Variants in DYRK4 observed in about 807,000 individuals in gnomAD.
The protein encoded by DYRK4 is dual specificity tyrosine phosphorylation regulated kinase 4.
DYRK4 carries 64 observed loss-of-function variants against 68.3 expected under a neutral mutation model. The observed-to-expected ratio is 0.94, with a 90% CI of 0.77 to 1.15. The LOEUF (loss-of-function observed/expected upper bound fraction) is 1.15. Ranked by LOEUF, DYRK4 falls within the 50% of genes most tolerant of loss-of-function variation. The pLI is 0.00. For synonymous variants in DYRK4, 274 were observed against 289.9 expected (o/e 0.95, Z 0.56); for missense variants, 740 against 764.7 (o/e 0.97, Z 0.38).
intron 2 of DYRK4, among the ~76,000 whole-genome samples, chr12:4,577,831 T>C (rs1944804336): frequency 6.6e-6 from 1 of 152,216 alleles, no homozygotes; most frequent in Non-Finnish European, 1.5e-5. Context: ...TTTTCTCAGA[T>C]AGATCTCATA....
chr12:4,611,633 A>T (rs189452154), intron 13 of DYRK4, among the ~76,000 whole-genome samples: 1 of 152,354 alleles, frequency 6.6e-6, no homozygotes, highest in East Asian at 1.9e-4. Flanking sequence ...AATTCATTTG[A>T]CACAGAAATG....
intron 10 of DYRK4, chr12:4,602,856 A>C: frequency 8.9e-7 from 1 of 1,119,006 alleles, no homozygotes; most frequent in Non-Finnish European, 1.4e-6. Context: ...GAAATACATC[A>C]CTGTGACAGT....
intron 1 of DYRK4, among the ~76,000 whole-genome samples, chr12:4,565,616 T>C (rs76223878): frequency 0.027 from 4,052 of 149,336 alleles, 164 homozygotes; most frequent in African/African-American, 0.096. Flanking sequence ...GTTTGGAAGA[T>C]TTCACATTTA....
rs781027073 is a variant in DYRK4, at chr12:4,613,670, G to A, written c.1822G>A (p.Gly608Arg). Reference sequence around the variant, plus strand: ...TCCCAAGAAGTCAGAGGCAGCTGTCGGGGCGGAGGTGTCCATGACCTCCCC... The same window carrying A: ...TCCCAAGAAGTCAGAGGCAGCTGTCAGGGCGGAGGTGTCCATGACCTCCCC... ...DAPKKSEAAV[G>R]AEVSMTSPGQ... The change falls in exon 15 of 15, where the codon GGG becomes AGG. Residue 608 changes from glycine to arginine, a missense_variant. Gly to Arg is a moderately radical substitution (Grantham distance 125). Around this residue, in one of 3 missense-constraint regions of DYRK4, gnomAD observed 614 missense variants for 603.7 expected, o/e 1.02. Transcript: ENST00000543431. This position sits in a 1 kb window ranked among gnomAD's most constrained non-coding sequence, Gnocchi z 4.0. 2.7e-5 allele frequency: 44 copies of A among 1,612,950 alleles called. No homozygotes were observed. The Admixed American group carries it at 6.2e-4, about 23-fold the overall frequency.
At chr12:4,576,607 G>A (rs1192600735) in intron 2 of DYRK4, among the ~76,000 whole-genome samples, 3 of 152,174 alleles carry the variant, frequency 2.0e-5, no homozygotes, top group East Asian at 3.8e-4. Flanking sequence ...TTCCAAACAA[G>A]CTGTACCATT....
chr12:4,584,801 C>G (rs1165440590), intron 2 of DYRK4, among the ~76,000 whole-genome samples: 3 of 152,054 alleles, frequency 2.0e-5, no homozygotes, highest in African/African-American at 7.2e-5. Flanking sequence ...GTGATCCACC[C>G]ACCTCGGCCT....
chr12:4,590,197 A>G, intron 3 of DYRK4, 133 bp from the exon 4 acceptor site: 1 of 1,400,272 alleles, frequency 7.1e-7, no homozygotes. Flanking sequence ...GAACTTTAAG[A>G]ATAGGTTTAG....
At chr12:4,576,290 G>C (rs1944788942) in intron 2 of DYRK4, among the ~76,000 whole-genome samples, 1 of 152,190 alleles carries the variant, frequency 6.6e-6, no homozygotes, top group South Asian at 2.1e-4. Context: ...TGCCTTCTCA[G>C]ATGGCTTTTT....
At chr12:4,564,252 G>T (rs922791028) in intron 1 of DYRK4, 4 of 152,040 alleles carry the variant, frequency 2.6e-5, no homozygotes, top group African/African-American at 9.7e-5. Flanking sequence ...TTTCAAAATA[G>T]CTAGTAGAGA....
At chr12:4,578,147 G>A (rs1474416398) in intron 2 of DYRK4, among the ~76,000 whole-genome samples, 14 of 152,230 alleles carry the variant, frequency 9.2e-5, no homozygotes, top group African/African-American at 3.4e-4. Flanking sequence ...CCTTCTAAAA[G>A]TTTTATAATT....
chr12:4,575,541 C>A (rs560452099), intron 2 of DYRK4, among the ~76,000 whole-genome samples: 1 of 152,032 alleles, frequency 6.6e-6, no homozygotes. Context: ...GATCTCCTGA[C>A]CTCGTGATCC....
At chr12:4,563,501 G>A (rs1473686634) in intron 1 of DYRK4, among the ~76,000 whole-genome samples, 1 of 152,198 alleles carries the variant, frequency 6.6e-6, no homozygotes, top group Non-Finnish European at 1.5e-5. Flanking sequence ...AAATGCTGGT[G>A]GAGGCTGCAT....
At chr12:4,594,907 T>C (rs770509360) in intron 6 of DYRK4, among the ~76,000 whole-genome samples, 5 of 152,210 alleles carry the variant, frequency 3.3e-5, no homozygotes, top group Non-Finnish European at 7.3e-5. Flanking sequence ...TATGTATTGA[T>C]AATCTGTCAT....
At chr12:4,607,485 G>A in intron 12 of DYRK4, 98 bp downstream of exon 12, 10 of 1,338,398 alleles carry the variant, frequency 7.5e-6, no homozygotes, top group Non-Finnish European at 1.1e-5. Context: ...ACATACCAAA[G>A]GGCTGTGATT....
At chr12:4,611,724 A>ATG (rs1945223484) in intron 13 of DYRK4, among the ~76,000 whole-genome samples, 1 of 152,196 alleles carries the variant, frequency 6.6e-6, no homozygotes, top group Admixed American at 6.5e-5. Flanking sequence ...TATTCCCACC[A>ATG]TGATGGACAC....
chr12:4,604,893 T>G lies in DYRK4; in HGVS notation c.1127-21T>G, dbSNP rs7962687. The G allele has an allele frequency of 9.9e-3, 15,449 of 1,562,248 alleles. 1,237 individuals carry two copies. The African/African-American group carries it at 0.18, about 18-fold the overall frequency. ...GGTAAGAAGTTTGTCCCACGAGGTT[T>G]CTCTTACTTTGCCTCCGCAGTATAC... On this transcript the variant is annotated intron_variant, in intron 10 of 14. Coordinates refer to ENST00000543431, the MANE Select transcript of DYRK4 (RefSeq NM_001394779.1).
chr12:4,579,516 C>A (rs989667218), intron 2 of DYRK4, among the ~76,000 whole-genome samples: 13 of 152,186 alleles, frequency 8.5e-5, no homozygotes, highest in African/African-American at 3.1e-4. Context: ...GCTCTTTATT[C>A]ATATTTTCAT....
At chr12:4,582,540 C>A (rs76952500) in intron 2 of DYRK4, among the ~76,000 whole-genome samples, 2 of 151,996 alleles carry the variant, frequency 1.3e-5, no homozygotes, top group East Asian at 1.9e-4. Flanking sequence ...GTCTAACAAG[C>A]CTTTGCAGGT....
chr12:4,588,461 GC>G (rs1368463297), intron 2 of DYRK4, among the ~76,000 whole-genome samples: 3 of 152,114 alleles, frequency 2.0e-5, no homozygotes, highest in African/African-American at 7.2e-5. Context: ...ACCCTTCTAG[GC>G]GTGAAGTCTC....
Sources: allele counts gnomAD v4.1 joint callset (sites outside exome capture counted in the v4.1 genomes callset), GRCh38; gene constraint gnomAD v4.1.1; regional missense constraint gnomAD v4.1.1; non-coding constraint Gnocchi (gnomAD v3.1); transcripts MANE v1.5; gene names NCBI Gene and HGNC (gene_info 2026-07-23, HGNC 2026-07-21).